The following MYBPC2 variants were observed in gnomAD, a reference collection of about 807,000 sequenced individuals.
MYBPC2 encodes myosin binding protein C2.
Under a neutral mutation model 137.0 loss-of-function variants are expected in MYBPC2, and 122 were observed. The ratio of observed to expected loss-of-function variants is 0.89; its 90% CI spans 0.77 to 1.03. The LOEUF (loss-of-function observed/expected upper bound fraction) is 1.03. MYBPC2 is among the 50% of genes least tolerant of loss of function. The pLI, the probability that MYBPC2 is intolerant of heterozygous loss-of-function variation, is 0.00. For missense variants in MYBPC2, 1,500 were observed against 1,534.4 expected (o/e 0.98, Z 0.37); for synonymous variants, 626 against 612.3 (o/e 1.02, Z -0.33).
intron 20 of MYBPC2, among the ~76,000 whole-genome samples, chr19:50,455,872 C>T (rs2039905649): frequency 6.6e-6 from 1 of 152,202 alleles, no homozygotes; most frequent in Non-Finnish European, 1.5e-5. Flanking sequence ...GACTTTCTGT[C>T]ATTCCATCTA....
chr19:50,444,531 A>G (rs370587744), intron 11 of MYBPC2, among the ~76,000 whole-genome samples: 3 of 152,258 alleles, frequency 2.0e-5, no homozygotes, highest in East Asian at 3.9e-4. Context: ...ATATTTATCG[A>G]GCACCTGTTG....
At chr19:50,452,744 G>C (rs1447366974) in intron 16 of MYBPC2, among the ~76,000 whole-genome samples, 1 of 152,006 alleles carries the variant, frequency 6.6e-6, no homozygotes, top group Non-Finnish European at 1.5e-5. Context: ...TTTTTGTAGG[G>C]ACAGGGTTTC....
In MYBPC2 at chr19:50,444,078, T is replaced by C. The variant is rs374461393; in HGVS notation, c.1133+262T>C. 1.6e-4 allele frequency among the ~76,000 whole-genome samples: 25 copies of C among 152,318 alleles called. No homozygotes were observed. The South Asian group carries it at 4.8e-3, about 29-fold the overall frequency. ...CTGTTCCATTAAATATTCATTCATC[T>C]GACCAATTATCTATTCCTTGGTCCA... is the stretch of plus-strand genomic sequence containing the variant. On this transcript the variant is annotated intron_variant, in intron 11 of 27. Transcript: ENST00000357701.
In MYBPC2 at chr19:50,436,058, A is replaced by G. The variant is rs764345606; in HGVS notation, c.243A>G (p.Pro81=). The G allele has an allele frequency of 1.9e-6, 3 of 1,584,304 alleles. No individual in the cohort carries two copies. The Admixed American group carries it at 5.4e-5, about 29-fold the overall frequency. The part of the protein sequence containing the change: ...VVAKVNGKEL[P]DKPTIKWFKG... ...CCAAGGTGAACGGGAAGGAGCTCCC[A>G]GACAAACCGACCATCAAGTGGTTCA... The change falls in exon 4 of 28, where the codon CCA becomes CCG. Residue 81 remains proline, a synonymous_variant. Transcript: ENST00000357701.
chr19:50,462,162 C>T, intron 26 of MYBPC2, 126 bp downstream of exon 26: 1 of 1,313,196 alleles, frequency 7.6e-7, no homozygotes, highest in Non-Finnish European at 1.0e-6. Context: ...GATTTAGTCA[C>T]TTAAAAAATT....
At position 50,466,208 on chromosome 19, in the gene MYBPC2, C is replaced by G; in HGVS notation, c.*3C>G. The G allele has an allele frequency of 6.2e-7, 1 of 1,613,956 alleles. No homozygotes were observed. The highest frequency in any genetic ancestry group is 8.5e-7 in the Non-Finnish European group (1 of 1,179,880). On this transcript the variant is annotated 3_prime_UTR_variant, in exon 28 of 28. Transcript: ENST00000357701. The surrounding 1 kb of genome is among the most constrained non-coding windows in gnomAD (Gnocchi z 4.9). ...GTTTTCCTGCAGTGCCGCAGTGAGA[C>G]CTGTCCCCTACCTGCCAAGACAATT...
chr19:50,461,489 T>C (rs1601298363), intron 24 of MYBPC2, 53 bp from the exon 25 acceptor site: 3 of 1,563,208 alleles, frequency 1.9e-6, no homozygotes, highest in Middle Eastern at 3.4e-4. Context: ...TTGTGTGTAA[T>C]CGTGTGATCC....
chr19:50,464,659 A>G, intron 27 of MYBPC2, 127 bp downstream of exon 27: 1 of 1,114,904 alleles, frequency 9.0e-7, no homozygotes, highest in South Asian at 1.7e-5. Flanking sequence ...TGGGAGGAGG[A>G]CTGGGAAGCT....
chr19:50,458,976 C>T lies in MYBPC2; in HGVS notation c.2565C>T (p.Gly855=). The T allele has an allele frequency of 6.2e-7, 1 of 1,612,636 alleles. No homozygotes were observed. The highest frequency in any genetic ancestry group is 8.5e-7 in the Non-Finnish European group (1 of 1,179,536). Residue 855 remains glycine (G), a synonymous_variant, in exon 22 of 28, where the codon GGC becomes GGT. Coordinates refer to ENST00000357701, the MANE Select transcript of MYBPC2 (RefSeq NM_004533.4). ...HLRQTYIRKV[G]EQLNLVVPFQ... ...GCCAGACCTACATCCGCAAAGTGGG[C>T]GAGCAGCTCAACCTTGTCGTCCCCT...
In MYBPC2 at chr19:50,450,029, C is replaced by T. The variant is rs146275210; in HGVS notation, c.1473-800C>T. On this transcript the variant is annotated intron_variant, in intron 13 of 27. Coordinates refer to ENST00000357701, the MANE Select transcript of MYBPC2 (RefSeq NM_004533.4). ...AAAATTAGCTGGGTGTTGTGTTACACGCCCATAGTCCCAGCTACTCGGGAG... is the reference window on the plus strand; with the variant it reads ...AAAATTAGCTGGGTGTTGTGTTACATGCCCATAGTCCCAGCTACTCGGGAG... Among the ~76,000 whole-genome samples, 1,170 of 152,128 alleles carry T rather than the reference C, an allele frequency of 7.7e-3. 18 individuals carry two copies. The highest frequency in any genetic ancestry group is 0.027 in the African/African-American group (1,112 of 41,502).
At chr19:50,441,821 C>T (rs1322624360) in intron 8 of MYBPC2, among the ~76,000 whole-genome samples, 1 of 151,142 alleles carries the variant, frequency 6.6e-6, no homozygotes, top group Non-Finnish European at 1.5e-5. Flanking sequence ...GCCTGGGGAA[C>T]AGAGTGAGAC....
intron 11 of MYBPC2, among the ~76,000 whole-genome samples, chr19:50,444,855 G>C (rs367901317): frequency 1.0e-3 from 140 of 138,216 alleles, no homozygotes; most frequent in Non-Finnish European, 1.7e-3. Flanking sequence ...ACTCCAACCT[G>C]GGAGACACAG....
In MYBPC2 at chr19:50,440,933, G is replaced by A; in HGVS notation, c.626G>A (p.Gly209Asp). The A allele has an allele frequency of 1.9e-6, 3 of 1,613,802 alleles. No homozygotes were observed. The highest frequency in any genetic ancestry group is 2.5e-6 in the Non-Finnish European group (3 of 1,179,814). The stretch of plus-strand genomic sequence containing the variant: ...AAAAAGAAAGATGACGATGACCTAG[G>A]CATCCCCCCGGAGATTTGGGAGCTC... ...KKKKKDDDDLGIPPEIWELLK... is the reference protein window; with the variant it reads ...KKKKKDDDDLDIPPEIWELLK... The change falls in exon 8 of 28, where the codon GGC becomes GAC. Residue 209 changes from glycine (G) to aspartate (D), a missense_variant. Gly to Asp is a moderately conservative substitution (Grantham distance 94). Transcript: ENST00000357701.
rs201463379 is a variant in MYBPC2 at position 50,443,602 on chromosome 19, C to G, written c.1011C>G (p.Thr337=). The part of the protein sequence containing the change: ...EVAVKDEKCF[T]ELFVKEPPVL... ...CTGTCAAGGATGAGAAGTGTTTCAC[C>G]GAGCTCTTCGTCAAAGGTGAGGCTG... Residue 337 remains threonine, a synonymous_variant, in exon 10 of 28, where the codon ACC becomes ACG. Transcript: ENST00000357701. 60 of 1,613,240 alleles carry G rather than the reference C, an allele frequency of 3.7e-5. 1 individual carries two copies. The Middle Eastern group carries it at 4.9e-4, about 13-fold the overall frequency.
chr19:50,440,885 T>A lies in MYBPC2; in HGVS notation c.578T>A (p.Val193Glu), dbSNP rs1433226993. The A allele has an allele frequency of 6.2e-7, 1 of 1,605,122 alleles. No homozygotes were observed. The highest frequency in any genetic ancestry group is 8.5e-7 in the Non-Finnish European group (1 of 1,175,476). ...TCCGTTCCCCCACCCGCCAGGGAGG[T>A]GGTGGAGGAGGAGAAGAAGAAGAAA... ...DFSGLLKKRE[V>E]VEEEKKKKKK... Residue 193 changes from valine (V) to glutamate (E), a missense_variant, in exon 8 of 28, where the codon GTG becomes GAG. By Grantham distance (121) the Val-to-Glu change is moderately radical (BLOSUM62 -2). Transcript: ENST00000357701.
chr19:50,434,279 C>T (rs1190166665), intron 1 of MYBPC2, among the ~76,000 whole-genome samples: 2 of 150,596 alleles, frequency 1.3e-5, no homozygotes, highest in East Asian at 4.0e-4. Flanking sequence ...ATCACTTGAG[C>T]CCAGGAGACG....
intron 13 of MYBPC2, 68 bp downstream of exon 13, chr19:50,448,458 A>C: frequency 6.5e-7 from 1 of 1,535,102 alleles, no homozygotes; most frequent in Non-Finnish European, 8.8e-7. Flanking sequence ...GCTGTGTAAC[A>C]AGCTGTCCCC....
At position 50,435,339 on chromosome 19, in the gene MYBPC2, A is replaced by G; in HGVS notation, c.109+89A>G. ...CTCTCCAGGCCTTTCCCCAGCCTCT[A>G]TCCTTGAATCTGTCCCCGCACAGCC... On this transcript the variant is annotated intron_variant, in intron 2 of 27. Coordinates refer to ENST00000357701, the MANE Select transcript of MYBPC2 (RefSeq NM_004533.4). This position sits in a 1 kb window ranked among gnomAD's most constrained non-coding sequence, Gnocchi z 4.8. 1.4e-6 allele frequency: 1 copy of G among 694,194 alleles called. No homozygotes were observed. Among genetic ancestry groups the G allele is most frequent in the Admixed American group, 2.4e-5 (1 of 42,338 alleles). 43.0% of individuals were successfully genotyped at this position (694,194 alleles called of 1,614,324 possible).
rs200073552 is a variant in MYBPC2, at chr19:50,454,034, C to G, written c.1764C>G (p.Thr588=). The change falls in exon 17 of 28, where the codon ACC becomes ACG. Residue 588 remains threonine, a synonymous_variant. Coordinates refer to ENST00000357701, the MANE Select transcript of MYBPC2 (RefSeq NM_004533.4). ...WLKGDEVFTT[T]EGRTRIEKRV... ...GCTGCGTTCAGGTATTCACGACCAC[C>G]GAGGGCAGGACCCGCATCGAGAAGC... The G allele has an allele frequency of 1.2e-6, 2 of 1,602,898 alleles. No individual in the cohort carries two copies. The highest frequency in any genetic ancestry group is 2.7e-5 in the African/African-American group (2 of 74,780).
Sources: allele counts gnomAD v4.1 joint callset (sites outside exome capture counted in the v4.1 genomes callset), GRCh38; gene constraint gnomAD v4.1.1; non-coding constraint Gnocchi (gnomAD v3.1); transcripts MANE v1.5; gene names NCBI Gene and HGNC (gene_info 2026-07-23, HGNC 2026-07-21).